POLR2D: variants seen among roughly 807,000 people sequenced by gnomAD.
POLR2D encodes RNA polymerase II subunit D, also known as DNA-directed RNA polymerase II subunit RPB4.
In POLR2D, 10 loss-of-function variants were observed where a neutral mutation model predicts 17.6. The observed-to-expected ratio is 0.57, with a 90% CI of 0.35 to 0.96. POLR2D has a LOEUF of 0.96. Ranked by LOEUF, POLR2D falls within the 40% of genes least tolerant of loss-of-function variation. The pLI, the probability that POLR2D is intolerant of heterozygous loss-of-function variation, is 0.02. For synonymous variants in POLR2D, 52 were observed against 60.2 expected (o/e 0.86, Z 0.63); for missense variants, 126 against 176.4 (o/e 0.71, Z 1.62).
At chr2:127,850,737 C>T (rs936051268) in intron 2 of POLR2D, 52 bp from the exon 3 acceptor site, 1 of 891,888 alleles carries the variant, frequency 1.1e-6, no homozygotes. Context: ...AAATAAACAA[C>T]AAAAATCAAA....
In POLR2D at chr2:127,844,830, T is replaced by C. The variant is rs991507049; in HGVS notation, c.*3277A>G. 1.3e-5 allele frequency: 2 copies of C among 152,188 alleles called. No homozygotes were observed. Among genetic ancestry groups the C allele is most frequent in the Non-Finnish European group, 2.9e-5 (2 of 68,064 alleles). 9.4% of individuals were successfully genotyped at this position (152,188 alleles called of 1,614,324 possible). A position where few individuals can be genotyped will look rare whatever the true frequency, so the allele number is the denominator to read the frequency against. On this transcript the variant is annotated 3_prime_UTR_variant, in exon 4 of 4. Coordinates refer to ENST00000272645, the MANE Select transcript of POLR2D (RefSeq NM_004805.4). ...CACCACACGTGGCCAATTTTTGTAT[T>C]TTTAGTAGAGACAGGGTTTCACAAC... is the stretch of plus-strand genomic sequence containing the variant.
At chr2:127,854,047 A>G (rs1690290556) in intron 1 of POLR2D, among the ~76,000 whole-genome samples, 1 of 152,168 alleles carries the variant, frequency 6.6e-6, no homozygotes, top group South Asian at 2.1e-4. Context: ...CTAGTATTAT[A>G]CTCTCAATTT....
Position 127,844,212 on chromosome 2 carries a change from A to T in POLR2D, c.*3895T>A, listed in dbSNP as rs1690114468. 1 of 151,774 alleles carries T rather than the reference A, an allele frequency of 6.6e-6. No individual in the cohort carries two copies. Among genetic ancestry groups the T allele is most frequent in the Non-Finnish European group, 1.5e-5 (1 of 68,018 alleles). The allele number at this position is 151,774 out of a possible 1,614,324, so 9.4% of individuals were successfully genotyped here. On this transcript the variant is annotated 3_prime_UTR_variant, in exon 4 of 4. Coordinates refer to ENST00000272645, the MANE Select transcript of POLR2D (RefSeq NM_004805.4). ...AAAAAGGCACCATCTTGGACCAGAA[A>T]GCCGCCCTTGCCAGACACTGAACGT...
intron 3 of POLR2D, 95 bp from the exon 4 acceptor site, chr2:127,848,280 C>T (rs1203566757): frequency 4.4e-6 from 3 of 687,020 alleles, no homozygotes; most frequent in Non-Finnish European, 7.7e-6. Context: ...ACATCTCTAA[C>T]ACCTTTACCT....
At chr2:127,857,958 C>A in intron 1 of POLR2D, 70 bp downstream of exon 1, 3 of 1,540,610 alleles carry the variant, frequency 1.9e-6, no homozygotes, top group Non-Finnish European at 2.6e-6. Context: ...TTGGGCGAAG[C>A]GCGCATAACG....
At chr2:127,853,558 T>A (rs74929816) in intron 1 of POLR2D, among the ~76,000 whole-genome samples, 3,717 of 150,266 alleles carry the variant, frequency 0.025, 137 homozygotes, top group African/African-American at 0.085. Flanking sequence ...TTCGTTCTTT[T>A]ATTTTTTTTT....
chr2:127,846,988 CACA>C lies in POLR2D; in HGVS notation c.*1116_*1118del, dbSNP rs1252012749. 1.3e-5 allele frequency: 2 copies of C among 152,710 alleles called. No individual in the cohort carries two copies. Among genetic ancestry groups the C allele is most frequent in the African/African-American group, 4.8e-5 (2 of 41,446 alleles). 9.5% of individuals were successfully genotyped at this position (152,710 alleles called of 1,614,324 possible). A position where few individuals can be genotyped will look rare whatever the true frequency, so the allele number is the denominator to read the frequency against. ...TTCTTAGTAGCCTTGTCATTGGGCA[CACA>C]ACAACCACAGTTCATACAGCAAATG... On this transcript the variant is annotated 3_prime_UTR_variant, in exon 4 of 4. Transcript: ENST00000272645.
At position 127,845,597 on chromosome 2, in the gene POLR2D, A is replaced by C. The variant is rs1229120516; in HGVS notation, c.*2510T>G. 4 of 151,162 alleles carry C rather than the reference A, an allele frequency of 2.6e-5. No homozygotes were observed. In the East Asian group the frequency reaches 5.8e-4, roughly 22 times the overall value. 9.4% of individuals were successfully genotyped at this position (151,162 alleles called of 1,614,324 possible). A position where few individuals can be genotyped will look rare whatever the true frequency, so the allele number is the denominator to read the frequency against. ...TCCATGTTGGTCAGGATGGTCTCAA[A>C]CTCCCAACCTCAGGTGATCCGCCTG... On this transcript the variant is annotated 3_prime_UTR_variant, in exon 4 of 4. Transcript: ENST00000272645.
In POLR2D at chr2:127,857,775, G is replaced by A. The variant is rs1271573734; in HGVS notation, c.73+253C>T. On this transcript the variant is annotated intron_variant, in intron 1 of 3. Coordinates refer to ENST00000272645, the MANE Select transcript of POLR2D (RefSeq NM_004805.4). ...AAAAATCTGTCCTTACCACCTGAGT[G>A]TCCGGCTTTGTTTATCTTTGACACA... 1.1e-5 allele frequency: 14 copies of A among 1,284,072 alleles called. No homozygotes were observed. The African/African-American group carries it at 2.2e-4, about 20-fold the overall frequency. 79.5% of individuals were successfully genotyped at this position (1,284,072 alleles called of 1,614,324 possible).
At chr2:127,848,468 T>C (rs551116147) in intron 3 of POLR2D, among the ~76,000 whole-genome samples, 1 of 151,852 alleles carries the variant, frequency 6.6e-6, no homozygotes, top group African/African-American at 2.4e-5. Context: ...TAGAGTGAAG[T>C]GGCATGATCT....
rs1035257834 is a variant in POLR2D at position 127,848,033 on chromosome 2, T to C, written c.*74A>G. Reference sequence around the variant, plus strand: ...GTCTTCAACAGAATTTCTGTGCAAGTCAGCCCCAGACAGTGGGAAGGTGGT... The same window carrying C: ...GTCTTCAACAGAATTTCTGTGCAAGCCAGCCCCAGACAGTGGGAAGGTGGT... On this transcript the variant is annotated 3_prime_UTR_variant, in exon 4 of 4. Coordinates refer to ENST00000272645, the MANE Select transcript of POLR2D (RefSeq NM_004805.4). 1 of 1,013,354 alleles carries C rather than the reference T, an allele frequency of 9.9e-7. No homozygotes were observed. Among genetic ancestry groups the C allele is most frequent in the Non-Finnish European group, 1.6e-6 (1 of 633,578 alleles). The allele number at this position is 1,013,354 out of a possible 1,614,324, so 62.8% of individuals were successfully genotyped here. A position where few individuals can be genotyped will look rare whatever the true frequency, so the allele number is the denominator to read the frequency against.
chr2:127,843,590 C>CAACT lies in POLR2D; in HGVS notation c.*4513_*4516dup, dbSNP rs1690104129. The CAACT allele has an allele frequency of 6.6e-6, 1 of 152,242 alleles. No individual in the cohort carries two copies. The highest frequency in any genetic ancestry group is 1.5e-5 in the Non-Finnish European group (1 of 68,038). 9.4% of individuals were successfully genotyped at this position (152,242 alleles called of 1,614,324 possible). On this transcript the variant is annotated 3_prime_UTR_variant, in exon 4 of 4. Coordinates refer to ENST00000272645, the MANE Select transcript of POLR2D (RefSeq NM_004805.4). Reference sequence around the variant, plus strand: ...CTTTTTATTAACAGTATTACTAAGGCAACTCATCGATGCTGAAGTCCCATC... The same window carrying CAACT: ...CTTTTTATTAACAGTATTACTAAGGCAACTAACTCATCGATGCTGAAGTCCCATC...
rs115509547 is a variant in POLR2D, at chr2:127,850,872, C to T, written c.255-187G>A. Among the ~76,000 whole-genome samples the T allele has an allele frequency of 7.8e-3, 1,181 of 152,152 alleles. 7 individuals carry two copies. The highest frequency in any genetic ancestry group is 0.013 in the Non-Finnish European group (904 of 67,996). On this transcript the variant is annotated intron_variant, in intron 2 of 3. Transcript: ENST00000272645. ...GAGGCCAAGGTGGGTAATCACTTGA[C>T]GTGAGGAGTTCGAGACCAGCCTGAG...
At chr2:127,853,156 G>T in intron 1 of POLR2D, 51 bp from the exon 2 acceptor site, 1 of 1,425,280 alleles carries the variant, frequency 7.0e-7, no homozygotes, top group South Asian at 1.2e-5. Context: ...TCAAAAGTTT[G>T]CTTCTAAATG....
rs60975701 is a variant in POLR2D at position 127,850,440 on chromosome 2, C to CAAAA, written c.350+146_350+149dup. ...GGGCAACAAGAGCGAAACTCCGTCT[C>CAAAA]AAAAAAAAAAAAAAAAAAAAAAAAG... On this transcript the variant is annotated intron_variant, in intron 3 of 3. Transcript: ENST00000272645. The CAAAA allele has an allele frequency of 1.6e-3, 168 of 108,372 alleles. 1 individual carries two copies. The highest frequency in any genetic ancestry group is 7.6e-3 in the South Asian group (56 of 7,340). The allele number at this position is 108,372 out of a possible 1,614,324, so 6.7% of individuals were successfully genotyped here.
In POLR2D at chr2:127,858,100, T is replaced by TCGCCG. The variant is rs759344343; in HGVS notation, c.-5_-1dup. 9,998 of 1,498,256 alleles carry TCGCCG rather than the reference T, an allele frequency of 6.7e-3. 42 individuals carry two copies. The highest frequency in any genetic ancestry group is 7.5e-3 in the Non-Finnish European group (8,409 of 1,124,064). The allele number at this position is 1,498,256 out of a possible 1,614,324, so 92.8% of individuals were successfully genotyped here. On this transcript the variant is annotated 5_prime_UTR_variant, in exon 1 of 4. Transcript: ENST00000272645. ...CGCGGATCGCTGCCACCCGCCGCCA[T>TCGCCG]CGCCGCGCCGCGCCGCGCGCCACCA...
In POLR2D at chr2:127,858,118, C is replaced by T. The variant is rs1192603164; in HGVS notation, c.-18G>A. ...GCCGCCATCGCCGCGCCGCGCCGCGCGCCACCACCAGCGCCGCCGGAAGCA... is the reference window on the plus strand; with the variant it reads ...GCCGCCATCGCCGCGCCGCGCCGCGTGCCACCACCAGCGCCGCCGGAAGCA... On this transcript the variant is annotated 5_prime_UTR_variant, in exon 1 of 4. Transcript: ENST00000272645. 1.4e-5 allele frequency: 21 copies of T among 1,469,064 alleles called. No homozygotes were observed. Among genetic ancestry groups the T allele is most frequent in the South Asian group, 1.3e-4 (10 of 74,212 alleles). 91.0% of individuals were successfully genotyped at this position (1,469,064 alleles called of 1,614,324 possible).
rs769518311 is a variant in POLR2D at position 127,853,014 on chromosome 2, C to T, written c.165G>A (p.Gln55=). The change falls in exon 2 of 4, where the codon CAG becomes CAA. Residue 55 remains glutamine (Q), a synonymous_variant. Transcript: ENST00000272645. ...KQQNESAEDE[Q]ELSEVFMKTL... is the part of the protein sequence containing the mutation. ...TTTTCATGAAGACTTCTGAGAGCTCCTGTTCGTCCTCTGCACTCTCATTCT... is the reference window on the plus strand; with the variant it reads ...TTTTCATGAAGACTTCTGAGAGCTCTTGTTCGTCCTCTGCACTCTCATTCT... The T allele has an allele frequency of 1.9e-6, 3 of 1,613,614 alleles. No individual in the cohort carries two copies.
chr2:127,848,073 T>TAACAGCAGTTATGCTGCTG lies in POLR2D; in HGVS notation c.*33_*34insCAGCAGCATAACTGCTGTT, dbSNP rs751262784. On this transcript the variant is annotated 3_prime_UTR_variant, in exon 4 of 4. Coordinates refer to ENST00000272645, the MANE Select transcript of POLR2D (RefSeq NM_004805.4). ...GGGAAGGTGGTGTTATGCCTGGGGA[T>TAACAGCAGTTATGCTGCTG]GTGGTTTCTCCGAGCAGCAGTGATG... 14 of 1,387,192 alleles carry TAACAGCAGTTATGCTGCTG rather than the reference T, an allele frequency of 1.0e-5. No individual in the cohort carries two copies. Among genetic ancestry groups the TAACAGCAGTTATGCTGCTG allele is most frequent in the Non-Finnish European group, 1.3e-5 (13 of 973,158 alleles). 85.9% of individuals were successfully genotyped at this position (1,387,192 alleles called of 1,614,324 possible).
Sources: gnomAD v4.1 joint callset for allele counts (sites outside exome capture counted in the v4.1 genomes callset) on GRCh38, gnomAD v4.1.1 for gene constraint, MANE v1.5 for transcripts, NCBI Gene and HGNC (gene_info 2026-07-23, HGNC 2026-07-21) for gene names.